ODF4: variants seen among roughly 807,000 people sequenced by gnomAD.
ODF4 encodes the protein outer dense fiber protein 4.
In ODF4, 11 loss-of-function variants were observed where a neutral mutation model predicts 17.0. The ratio of observed to expected loss-of-function variants is 0.65; its 90% confidence interval spans 0.41 to 1.07. The LOEUF (loss-of-function observed/expected upper bound fraction) is 1.07. Among genes scored for constraint, ODF4 ranks in the 50% least tolerant of loss-of-function variants. The pLI is 0.00. For synonymous variants in ODF4, 127 were observed against 121.8 expected, an observed-to-expected ratio of 1.04 and a Z score of -0.28; for missense variants, 281 against 310.2, an observed-to-expected ratio of 0.91 and a Z score of 0.71.
In ODF4 at chr17:8,345,588, T is replaced by C. The variant is rs1390217273; in HGVS notation, c.590-80T>C. ...CCAGGGCTAGATTTTTAGGGTCTTATCTTCCCTTTGGTCTCACCCTACTTG... is the reference window on the plus strand; with the variant it reads ...CCAGGGCTAGATTTTTAGGGTCTTACCTTCCCTTTGGTCTCACCCTACTTG... On this transcript the variant is annotated intron_variant, in intron 2 of 2. Transcript: ENST00000328248. This position sits in a 1 kb window ranked among gnomAD's most constrained non-coding sequence, Gnocchi z 4.1. 2 of 1,530,252 alleles carry C rather than the reference T, an allele frequency of 1.3e-6. No homozygotes were observed. Among genetic ancestry groups the C allele is most frequent in the Non-Finnish European group, 1.8e-6 (2 of 1,112,956 alleles). The allele number at this position is 1,530,252 out of a possible 1,614,324, so 94.8% of individuals were successfully genotyped here. A position where few individuals can be genotyped will look rare whatever the true frequency, so the allele number is the denominator to read the frequency against.
Position 8,341,361 on chromosome 17 carries a change from C to T in ODF4, c.454+856C>T, listed in dbSNP as rs532393433. 3.5e-4 allele frequency among the ~76,000 whole-genome samples: 54 copies of T among 152,328 alleles called. 2 individuals carry two copies. Among genetic ancestry groups the T allele is most frequent in the African/African-American group, 1.2e-3 (51 of 41,566 alleles). On this transcript the variant is annotated intron_variant, in intron 1 of 2. Coordinates refer to ENST00000328248, the MANE Select transcript of ODF4 (RefSeq NM_153007.5). ...TGTCCCCTCTCAGGCCCTGATCCCA[C>T]ACATTCTCCTTTCCTTCTGCCTCAG...
rs1906193246 is a variant in ODF4, at chr17:8,345,376, C to T, written c.488C>T (p.Pro163Leu). Residue 163 changes from proline (P) to leucine (L), a missense_variant, in exon 2 of 3, where the codon CCC becomes CTC. Coordinates refer to ENST00000328248, the MANE Select transcript of ODF4 (RefSeq NM_153007.5). This position sits in a 1 kb window ranked among gnomAD's most constrained non-coding sequence, Gnocchi z 4.1. ...ATCTTCTCCACCCTCATGCTATTCC[C>T]CATTAACATCTGGATCTTCGAGTTG... The part of the protein sequence containing the change: ...TFIFSTLMLF[P>L]INIWIFELER... 6.8e-6 allele frequency: 11 copies of T among 1,613,660 alleles called. 1 individual carries two copies. Among genetic ancestry groups the T allele is most frequent in the South Asian group, 6.6e-5 (6 of 91,064 alleles).
In ODF4 at chr17:8,345,253, T is replaced by A. The variant is rs1021444719; in HGVS notation, c.455-90T>A. ...GGGCCAGTCACTCTGTGTGTGGTGA[T>A]GTGGTTTGTGGCTGTAGCCTAGCAG... On this transcript the variant is annotated intron_variant, in intron 1 of 2. Transcript: ENST00000328248. This position sits in a 1 kb window ranked among gnomAD's most constrained non-coding sequence, Gnocchi z 4.1. 6 of 1,192,608 alleles carry A rather than the reference T, an allele frequency of 5.0e-6. No homozygotes were observed. Among genetic ancestry groups the A allele is most frequent in the Non-Finnish European group, 7.3e-6 (6 of 824,512 alleles). The allele number at this position is 1,192,608 out of a possible 1,614,324, so 73.9% of individuals were successfully genotyped here.
Position 8,340,026 on chromosome 17 carries a change from A to G in ODF4, c.-26A>G. On this transcript the variant is annotated 5_prime_UTR_variant, in exon 1 of 3. Coordinates refer to ENST00000328248, the MANE Select transcript of ODF4 (RefSeq NM_153007.5). ...AATTGAGTCTGGTGAGGGAAAGGGG[A>G]GACAGAGGGTGAAGTGGTGCTCAAG... 3.5e-6 allele frequency: 5 copies of G among 1,428,790 alleles called. No individual in the cohort carries two copies. The highest frequency in any genetic ancestry group is 4.7e-6 in the Non-Finnish European group (5 of 1,059,936). 88.5% of individuals were successfully genotyped at this position (1,428,790 alleles called of 1,614,324 possible).
In ODF4 at chr17:8,345,046, C is replaced by G. The variant is rs1252810236; in HGVS notation, c.455-297C>G. 1 of 1,083,194 alleles carries G rather than the reference C, an allele frequency of 9.2e-7. No individual in the cohort carries two copies. The highest frequency in any genetic ancestry group is 1.1e-6 in the Non-Finnish European group (1 of 879,990). The allele number at this position is 1,083,194 out of a possible 1,614,324, so 67.1% of individuals were successfully genotyped here. ...ACCATCTTGAGCTTCTGTGAAGGTGCCTCCTAGCTCTGGAAAGGTCCTTTG... is the reference window on the plus strand; with the variant it reads ...ACCATCTTGAGCTTCTGTGAAGGTGGCTCCTAGCTCTGGAAAGGTCCTTTG... On this transcript the variant is annotated intron_variant, in intron 1 of 2. Transcript: ENST00000328248. The surrounding 1 kb of genome is among the most constrained non-coding windows in gnomAD (Gnocchi z 4.1).
At chr17:8,340,654 G>A (rs1197505225) in intron 1 of ODF4, 149 bp downstream of exon 1, 3 of 605,062 alleles carry the variant, frequency 5.0e-6, no homozygotes, top group Non-Finnish European at 8.8e-6. Context: ...GACCTCCGAT[G>A]ATCGTTTCTC....
At position 8,345,018 on chromosome 17, in the gene ODF4, G is replaced by A. The variant is rs569257821; in HGVS notation, c.455-325G>A. 994 of 1,073,720 alleles carry A rather than the reference G, an allele frequency of 9.3e-4. 2 individuals carry two copies. The highest frequency in any genetic ancestry group is 1.1e-3 in the Non-Finnish European group (962 of 885,502). The allele number at this position is 1,073,720 out of a possible 1,614,324, so 66.5% of individuals were successfully genotyped here. On this transcript the variant is annotated intron_variant, in intron 1 of 2. Coordinates refer to ENST00000328248, the MANE Select transcript of ODF4 (RefSeq NM_153007.5). This position sits in a 1 kb window ranked among gnomAD's most constrained non-coding sequence, Gnocchi z 4.1. The stretch of plus-strand genomic sequence containing the variant: ...TCAAAAATTGCCCTTTGTGGGCTTC[G>A]GGACCATCTTGAGCTTCTGTGAAGG...
In ODF4 at chr17:8,346,005, G is replaced by C. The variant is rs2151658883; in HGVS notation, c.*153G>C. The C allele has an allele frequency of 1.7e-6, 1 of 592,076 alleles. No individual in the cohort carries two copies. 36.7% of individuals were successfully genotyped at this position (592,076 alleles called of 1,614,324 possible). On this transcript the variant is annotated 3_prime_UTR_variant, in exon 3 of 3. Transcript: ENST00000328248. Reference sequence around the variant, plus strand: ...TCTGCTTTCTCCCTGCCTTGATTGAGCTTGAGTGATGTGGAATAAATTGTC... The same window carrying C: ...TCTGCTTTCTCCCTGCCTTGATTGACCTTGAGTGATGTGGAATAAATTGTC...
intron 1 of ODF4, among the ~76,000 whole-genome samples, chr17:8,342,679 A>G (rs1358114228): frequency 6.6e-6 from 1 of 152,064 alleles, no homozygotes; most frequent in East Asian, 1.9e-4. Context: ...CTCCCTCCCT[A>G]GTTTCTCCTG....
chr17:8,345,131 T>C lies in ODF4; in HGVS notation c.455-212T>C. ...CTCTTCTTTGGGGGTGGTATGAGGGTTTTGTGGGTGGTGGGAGAACAGAAC... is the reference window on the plus strand; with the variant it reads ...CTCTTCTTTGGGGGTGGTATGAGGGCTTTGTGGGTGGTGGGAGAACAGAAC... On this transcript the variant is annotated intron_variant, in intron 1 of 2. Transcript: ENST00000328248. The surrounding 1 kb of genome is among the most constrained non-coding windows in gnomAD (Gnocchi z 4.1). 1.2e-6 allele frequency: 1 copy of C among 802,884 alleles called. No homozygotes were observed. The highest frequency in any genetic ancestry group is 1.9e-6 in the Non-Finnish European group (1 of 538,564). The allele number at this position is 802,884 out of a possible 1,614,324, so 49.7% of individuals were successfully genotyped here. A position where few individuals can be genotyped will look rare whatever the true frequency, so the allele number is the denominator to read the frequency against.
At chr17:8,341,528 T>C (rs1385869980) in intron 1 of ODF4, among the ~76,000 whole-genome samples, 1 of 152,202 alleles carries the variant, frequency 6.6e-6, no homozygotes, top group East Asian at 1.9e-4. Flanking sequence ...AAGGTCTCAC[T>C]CTGTCACCCA....
intron 1 of ODF4, among the ~76,000 whole-genome samples, chr17:8,343,184 T>A (rs1481722450): frequency 6.6e-6 from 1 of 151,390 alleles, no homozygotes; most frequent in Non-Finnish European, 1.5e-5. Context: ...CAGGTTGGTG[T>A]GCAGTGGCAT....
Position 8,345,751 on chromosome 17 carries a change from T to A in ODF4, c.673T>A (p.Phe225Ile). 1.9e-6 allele frequency: 3 copies of A among 1,614,128 alleles called. No individual in the cohort carries two copies. Among genetic ancestry groups the A allele is most frequent in the Non-Finnish European group, 2.5e-6 (3 of 1,179,984 alleles). ...TGGTGCCGTGTCCTGCAGCAGCAGT[T>A]TCGGCTCAGTAGAAGAATCTCCAAG... The part of the protein sequence containing the change: ...PSGAVSCSSS[F>I]GSVEESPRAQ... Residue 225 changes from phenylalanine to isoleucine, a missense_variant, in exon 3 of 3, where the codon TTC (phenylalanine) becomes ATC (isoleucine). Coordinates refer to ENST00000328248, the MANE Select transcript of ODF4 (RefSeq NM_153007.5). The surrounding 1 kb of genome is among the most constrained non-coding windows in gnomAD (Gnocchi z 4.1).
rs1462615283 is a variant in ODF4 at position 8,344,612 on chromosome 17, C to T, written c.455-731C>T. Among the ~76,000 whole-genome samples the T allele has an allele frequency of 1.0e-4, 13 of 126,630 alleles. 4 individuals carry two copies. Among genetic ancestry groups the T allele is most frequent in the South Asian group, 2.5e-4 (1 of 4,072 alleles). The allele number at this position is 126,630 out of a possible 152,430, so 83.1% of individuals were successfully genotyped here. ...CAAGCGATTCTCCTGCCTCAGCCTC[C>T]GGAGTAGCTGAGACTACAGGCATGC... On this transcript the variant is annotated intron_variant, in intron 1 of 2. Coordinates refer to ENST00000328248, the MANE Select transcript of ODF4 (RefSeq NM_153007.5).
chr17:8,344,464 A>T (rs1449941285), intron 1 of ODF4, among the ~76,000 whole-genome samples: 1 of 127,328 alleles, frequency 7.9e-6, no homozygotes, highest in Non-Finnish European at 1.7e-5. Flanking sequence ...CATTTCTCTG[A>T]TTATTAATGG....
chr17:8,341,732 G>A (rs1906027945), intron 1 of ODF4, among the ~76,000 whole-genome samples: 1 of 151,536 alleles, frequency 6.6e-6, no homozygotes, highest in Admixed American at 6.6e-5. Flanking sequence ...CCTGCTCCTG[G>A]GGAAAACCAG....
chr17:8,342,608 A>C (rs768413332), intron 1 of ODF4, among the ~76,000 whole-genome samples: 61 of 152,340 alleles, frequency 4.0e-4, no homozygotes, highest in Middle Eastern at 3.4e-3. Context: ...TAAACAGTGA[A>C]AATTCAAAGA....
At position 8,345,572 on chromosome 17, in the gene ODF4, G is replaced by A; in HGVS notation, c.589+95G>A. The A allele has an allele frequency of 6.5e-7, 1 of 1,537,502 alleles. No homozygotes were observed. The highest frequency in any genetic ancestry group is 8.9e-7 in the Non-Finnish European group (1 of 1,121,156). The stretch of plus-strand genomic sequence containing the variant: ...AAGAGGCTGGCAATCCCCAGGGCTA[G>A]ATTTTTAGGGTCTTATCTTCCCTTT... On this transcript the variant is annotated intron_variant, in intron 2 of 2. Coordinates refer to ENST00000328248, the MANE Select transcript of ODF4 (RefSeq NM_153007.5). The surrounding 1 kb of genome is among the most constrained non-coding windows in gnomAD (Gnocchi z 4.1).
chr17:8,344,574 C>T (rs62064305), intron 1 of ODF4, among the ~76,000 whole-genome samples: 3 of 126,304 alleles, frequency 2.4e-5, no homozygotes, highest in South Asian at 2.5e-4. Context: ...CCACAACCTC[C>T]GCTTCCCAGG....
Sources: gnomAD v4.1 joint callset for allele counts (sites outside exome capture counted in the v4.1 genomes callset) on GRCh38, gnomAD v4.1.1 for gene constraint, Gnocchi (gnomAD v3.1) non-coding constraint, MANE v1.5 for transcripts, NCBI Gene and HGNC (gene_info 2026-07-23, HGNC 2026-07-21) for gene names.